Variants in GALNT17 observed in about 807,000 individuals in gnomAD.
The protein encoded by GALNT17 is polypeptide N-acetylgalactosaminyltransferase 17.
Under a neutral mutation model 63.7 loss-of-function variants are expected in GALNT17, and 29 were observed. The ratio of observed to expected loss-of-function variants is 0.46; its 90% CI spans 0.34 to 0.62. The LOEUF is 0.62. Ranked by LOEUF, GALNT17 falls within the 20% of genes least tolerant of loss-of-function variation. The probability of loss-of-function intolerance (pLI) is 0.01; values close to 1 mark genes in which losing one functional copy is unlikely to be tolerated. For synonymous variants in GALNT17, 305 were observed against 318.3 expected, an observed-to-expected ratio of 0.96 and a Z score of 0.45; for missense variants, 603 against 799.6, an observed-to-expected ratio of 0.75 and a Z score of 2.97.
At chr7:71,644,073 C>T (rs1044967145) in intron 6 of GALNT17, among the ~76,000 whole-genome samples, 9 of 152,098 alleles carry the variant, frequency 5.9e-5, no homozygotes, top group Middle Eastern at 3.4e-3. Context: ...TTCTGGATAC[C>T]TAATATTTAT....
chr7:71,488,279 T>C lies in GALNT17; in HGVS notation c.962+67174T>C, dbSNP rs754956745. ...GATAGACTTGGTGGAGATTATGGGA[T>C]GTCTGGGCAGGCAAGCTAATGAGGG... On this transcript the variant is annotated intron_variant, in intron 5 of 10. Coordinates refer to ENST00000333538, the MANE Select transcript of GALNT17 (RefSeq NM_022479.3). Among the ~76,000 whole-genome samples the C allele has an allele frequency of 1.1e-4, 17 of 151,584 alleles. No individual in the cohort carries two copies. The South Asian group carries it at 2.5e-3, about 22-fold the overall frequency.
At chr7:71,203,561 G>T (rs1462345894) in intron 1 of GALNT17, among the ~76,000 whole-genome samples, 1 of 152,178 alleles carries the variant, frequency 6.6e-6, no homozygotes, top group South Asian at 2.1e-4. Context: ...TCAGGGGCAT[G>T]GTGTATTAGG....
chr7:71,246,401 G>A (rs549109603), intron 1 of GALNT17, among the ~76,000 whole-genome samples: 37 of 151,706 alleles, frequency 2.4e-4, no homozygotes, highest in Non-Finnish European at 5.0e-4. Context: ...GGGATTACAG[G>A]TGTGAGCCAC....
At chr7:71,593,235 A>G (rs1348730006) in intron 6 of GALNT17, among the ~76,000 whole-genome samples, 2 of 145,824 alleles carry the variant, frequency 1.4e-5, no homozygotes, top group Non-Finnish European at 1.5e-5. Context: ...AATTTCATGG[A>G]TAGATTTACC....
At chr7:71,456,631 G>A (rs1787361352) in intron 5 of GALNT17, among the ~76,000 whole-genome samples, 1 of 151,942 alleles carries the variant, frequency 6.6e-6, no homozygotes, top group Admixed American at 6.6e-5. Context: ...GGCTATGGCA[G>A]GAGAATCGCT....
chr7:71,663,832 G>T (rs1790943397), intron 6 of GALNT17, among the ~76,000 whole-genome samples: 1 of 152,152 alleles, frequency 6.6e-6, no homozygotes, highest in African/African-American at 2.4e-5. Flanking sequence ...GGAGACTAAA[G>T]GTGGAATGGC....
At chr7:71,365,977 G>A (rs1025993663) in intron 2 of GALNT17, among the ~76,000 whole-genome samples, 5 of 152,140 alleles carry the variant, frequency 3.3e-5, no homozygotes, top group African/African-American at 1.2e-4. Context: ...GTCCCATCTG[G>A]GGGTGATGGG....
chr7:71,299,983 G>A (rs1462921648), intron 1 of GALNT17, among the ~76,000 whole-genome samples: 1 of 151,960 alleles, frequency 6.6e-6, no homozygotes, highest in African/African-American at 2.4e-5. Flanking sequence ...TAATCAGGTT[G>A]GCCAGGCTGG....
At chr7:71,687,482 C>T (rs1018019982) in intron 9 of GALNT17, among the ~76,000 whole-genome samples, 3 of 152,142 alleles carry the variant, frequency 2.0e-5, no homozygotes, top group African/African-American at 4.8e-5. Flanking sequence ...ATGTAAGTGT[C>T]GGAGCTCAGG....
intron 1 of GALNT17, among the ~76,000 whole-genome samples, chr7:71,170,702 G>C (rs1212456070): frequency 1.3e-5 from 2 of 152,186 alleles, no homozygotes; most frequent in Admixed American, 6.5e-5. Flanking sequence ...TGTTTGTCCT[G>C]ATAAGGGATG....
intron 1 of GALNT17, among the ~76,000 whole-genome samples, chr7:71,292,979 C>T (rs1003276580): frequency 6.6e-6 from 1 of 152,006 alleles, no homozygotes; most frequent in African/African-American, 2.4e-5. Flanking sequence ...CTTCATTTAG[C>T]GTGATGTTCT....
chr7:71,152,331 C>G (rs192860239), intron 1 of GALNT17, among the ~76,000 whole-genome samples: 3 of 152,126 alleles, frequency 2.0e-5, no homozygotes, highest in Non-Finnish European at 4.4e-5. Context: ...AAAGTAGTTA[C>G]AAATGGGTGG....
intron 5 of GALNT17, among the ~76,000 whole-genome samples, chr7:71,528,726 A>G (rs540157167): frequency 2.1e-3 from 326 of 152,344 alleles, no homozygotes; most frequent in African/African-American, 7.3e-3. Context: ...AATCACCACT[A>G]AAGAACTTAT....
At chr7:71,294,747 C>T (rs1791047107) in intron 1 of GALNT17, among the ~76,000 whole-genome samples, 1 of 152,086 alleles carries the variant, frequency 6.6e-6, no homozygotes, top group East Asian at 1.9e-4. Context: ...TTTATACAGA[C>T]ATCTATTAGT....
chr7:71,305,708 G>A (rs758131651), intron 1 of GALNT17, among the ~76,000 whole-genome samples: 4 of 152,100 alleles, frequency 2.6e-5, no homozygotes, highest in Admixed American at 1.3e-4. Flanking sequence ...CTAGGTTGGC[G>A]ACCTGATGTC....
intron 6 of GALNT17, among the ~76,000 whole-genome samples, chr7:71,583,490 T>C (rs1039629688): frequency 1.9e-4 from 29 of 152,194 alleles, no homozygotes; most frequent in African/African-American, 7.0e-4. Context: ...CCTGTAAGTT[T>C]GTCTCTGCAG....
intron 2 of GALNT17, among the ~76,000 whole-genome samples, chr7:71,345,157 T>TG (rs1792069847): frequency 6.6e-6 from 1 of 151,500 alleles, no homozygotes; most frequent in African/African-American, 2.4e-5. Context: ...GTTTTTTTTT[T>TG]TTGTTTTTTT....
chr7:71,522,366 C>A (rs952170777), intron 5 of GALNT17, among the ~76,000 whole-genome samples: 15 of 152,120 alleles, frequency 9.9e-5, no homozygotes, highest in African/African-American at 3.1e-4. Flanking sequence ...GAAGACTGGA[C>A]AATTTACAAA....
chr7:71,419,829 A>T (rs999283323), intron 4 of GALNT17, among the ~76,000 whole-genome samples: 1 of 152,202 alleles, frequency 6.6e-6, no homozygotes, highest in Non-Finnish European at 1.5e-5. Flanking sequence ...AATTAGTGCC[A>T]TTTGGCTTCA....
Sources: gnomAD v4.1 joint callset for allele counts (sites outside exome capture counted in the v4.1 genomes callset) on GRCh38, gnomAD v4.1.1 for gene constraint, MANE v1.5 for transcripts, NCBI Gene and HGNC (gene_info 2026-07-23, HGNC 2026-07-21) for gene names.